JAK2: variants seen among roughly 807,000 people sequenced by gnomAD.
JAK2 encodes the protein tyrosine-protein kinase JAK2.
Under a neutral mutation model 139.3 loss-of-function variants are expected in JAK2, and 86 were observed. The ratio of observed to expected loss-of-function variants is 0.62; its 90% confidence interval spans 0.52 to 0.74. The LOEUF (loss-of-function observed/expected upper bound fraction) is 0.74, where lower values mean the gene tolerates loss of function less well. JAK2 is among the 30% of genes least tolerant of loss of function. The pLI, the probability that JAK2 is intolerant of heterozygous loss-of-function variation, is 0.00. For synonymous variants in JAK2, 490 were observed against 437.7 expected (o/e 1.12, Z -1.49); for missense variants, 1,421 against 1,360.3 (o/e 1.04, Z -0.70).
intron 22 of JAK2, among the ~76,000 whole-genome samples, chr9:5,104,547 C>G (rs1181687895): frequency 6.6e-6 from 1 of 152,188 alleles, no homozygotes; most frequent in Non-Finnish European, 1.5e-5. Flanking sequence ...GGAATCCTCC[C>G]TAACTCATTT....
intron 6 of JAK2, 58 bp downstream of exon 6, chr9:5,050,889 G>C (rs938904337): frequency 2.1e-6 from 3 of 1,427,154 alleles, no homozygotes; most frequent in South Asian, 2.4e-5. Flanking sequence ...TATATAATTC[G>C]TATATATTTT....
Position 5,064,949 on chromosome 9 carries a change from T to G in JAK2, c.1123T>G (p.Leu375Val). The change falls in exon 9 of 25, where the codon TTA becomes GTA. Residue 375 changes from leucine (L) to valine (V), a missense_variant. Leu to Val is a conservative substitution (Grantham distance 32). Coordinates refer to ENST00000381652, the MANE Select transcript of JAK2 (RefSeq NM_004972.4). ...FVSLIDGYYR[L>V]TADAHHYLCK... Reference sequence around the variant, plus strand: ...GTCATTAATTGATGGATATTATAGATTAACTGCAGATGCACATCATTACCT... The same window carrying G: ...GTCATTAATTGATGGATATTATAGAGTAACTGCAGATGCACATCATTACCT... The G allele has an allele frequency of 6.2e-7, 1 of 1,606,592 alleles. No individual in the cohort carries two copies. Among genetic ancestry groups the G allele is most frequent in the Non-Finnish European group, 8.5e-7 (1 of 1,175,280 alleles).
At chr9:5,024,678 T>G (rs1822663863) in intron 3 of JAK2, among the ~76,000 whole-genome samples, 1 of 152,220 alleles carries the variant, frequency 6.6e-6, no homozygotes, top group African/African-American at 2.4e-5. Flanking sequence ...GCCTCAACTT[T>G]AGACCTCTGC....
intron 22 of JAK2, among the ~76,000 whole-genome samples, chr9:5,115,343 A>G (rs1204851705): frequency 6.6e-6 from 1 of 152,220 alleles, no homozygotes; most frequent in African/African-American, 2.4e-5. Context: ...GAGAAATGCA[A>G]ATCAAAACCA....
intron 5 of JAK2, among the ~76,000 whole-genome samples, chr9:5,048,525 A>T (rs1817190438): frequency 1.3e-5 from 2 of 152,074 alleles, no homozygotes; most frequent in African/African-American, 4.8e-5. Flanking sequence ...AAACAGTATA[A>T]CTTACTTGCC....
At chr9:5,126,189 C>G in intron 23 of JAK2, 144 bp from the exon 24 acceptor site, 2 of 561,666 alleles carry the variant, frequency 3.6e-6, no homozygotes, top group Non-Finnish European at 6.3e-6. Flanking sequence ...GTTTTTGATC[C>G]TAAAAGTAGT....
chr9:5,112,403 G>A lies in JAK2; in HGVS notation c.3060-10601G>A, dbSNP rs865812817. 2.0e-5 allele frequency: 9 copies of A among 460,038 alleles called. No homozygotes were observed. The East Asian group carries it at 4.0e-4, about 20-fold the overall frequency. The allele number at this position is 460,038 out of a possible 1,614,324, so 28.5% of individuals were successfully genotyped here. A position where few individuals can be genotyped will look rare whatever the true frequency, so the allele number is the denominator to read the frequency against. ...CTGGGGAAATCAAGCGGGAGGAGGA[G>A]GATGAGGAGAACACGTCGGCGGCTG... On this transcript the variant is annotated intron_variant, in intron 22 of 24. Transcript: ENST00000381652.
rs4495487 is a variant in JAK2, at chr9:5,072,798, T to C, written c.1776+172T>C. ...GCTATAGAATTACAGGGTTTGAAAA[T>C]TACCGGATTAAAAAAATTAATTCCA... On this transcript the variant is annotated intron_variant, in intron 13 of 24. Coordinates refer to ENST00000381652, the MANE Select transcript of JAK2 (RefSeq NM_004972.4). Among the ~76,000 whole-genome samples the C allele has an allele frequency of 0.23, 35,593 of 152,000 alleles. 4,583 individuals are homozygous for C. The highest frequency in any genetic ancestry group is 0.3 in the South Asian group (1,461 of 4,818).
At chr9:5,070,195 T>C (rs981668324) in intron 12 of JAK2, 143 bp downstream of exon 12, 19 of 489,016 alleles carry the variant, frequency 3.9e-5, no homozygotes, top group Non-Finnish European at 6.5e-5. Flanking sequence ...ATGAAAAATA[T>C]GCCAACCTTG....
At position 4,985,529 on chromosome 9, in the gene JAK2, A is replaced by G. The variant is rs967351349; in HGVS notation, c.-210A>G. 3.9e-5 allele frequency: 6 copies of G among 152,422 alleles called. No individual in the cohort carries two copies. Among genetic ancestry groups the G allele is most frequent in the Admixed American group, 2.6e-4 (4 of 15,294 alleles). The allele number at this position is 152,422 out of a possible 1,614,324, so 9.4% of individuals were successfully genotyped here. A position where few individuals can be genotyped will look rare whatever the true frequency, so the allele number is the denominator to read the frequency against. On this transcript the variant is annotated 5_prime_UTR_variant, in exon 1 of 25. Transcript: ENST00000381652. The stretch of plus-strand genomic sequence containing the variant: ...CGAGGGCCCAGCCTGGAGGTCGTTC[A>G]GAGCCGTGCCCGTCCCGGGGCTTCG...
chr9:5,042,294 C>T (rs939643396), intron 4 of JAK2, among the ~76,000 whole-genome samples: 2 of 151,618 alleles, frequency 1.3e-5, no homozygotes, highest in African/African-American at 2.4e-5. Flanking sequence ...CCCGCCACCG[C>T]GCCCGGCTAA....
intron 22 of JAK2, 95 bp from the exon 23 acceptor site, chr9:5,122,909 T>G: frequency 5.3e-6 from 4 of 749,468 alleles, no homozygotes; most frequent in Non-Finnish European, 6.3e-6. Flanking sequence ...TTTCTCTACA[T>G]GTTTTTTTTT....
At chr9:5,116,388 A>C (rs980024087) in intron 22 of JAK2, among the ~76,000 whole-genome samples, 2 of 152,202 alleles carry the variant, frequency 1.3e-5, no homozygotes, top group Non-Finnish European at 2.9e-5. Context: ...CTTTTTGAGG[A>C]AATGTCGTCA....
intron 19 of JAK2, chr9:5,085,843 C>T (rs1390929520): frequency 1.8e-5 from 14 of 764,884 alleles, no homozygotes; most frequent in Non-Finnish European, 3.4e-5. Context: ...CCTTTTACAT[C>T]AAAGTAGTAC....
chr9:5,100,966 A>C (rs1821433464), intron 22 of JAK2: 1 of 152,304 alleles, frequency 6.6e-6, no homozygotes, highest in Non-Finnish European at 1.5e-5. Context: ...AGCATGATCG[A>C]CGCAGAAGAT....
chr9:4,986,945 A>T (rs889505689), intron 2 of JAK2, among the ~76,000 whole-genome samples: 2 of 152,198 alleles, frequency 1.3e-5, no homozygotes, highest in African/African-American at 4.8e-5. Context: ...AGGGATGATC[A>T]GCTTGTATTT....
intron 23 of JAK2, among the ~76,000 whole-genome samples, chr9:5,125,611 T>C (rs75631285): frequency 0.11 from 16,086 of 149,792 alleles, 2,673 homozygotes; most frequent in African/African-American, 0.36. Context: ...AAATTATATC[T>C]CAACAGCAAT....
At chr9:5,041,891 C>G (rs1434197507) in intron 4 of JAK2, 1 of 419,136 alleles carries the variant, frequency 2.4e-6, no homozygotes, top group African/African-American at 2.1e-5. Flanking sequence ...CCCATCAGGG[C>G]GCCTGCAGAG....
chr9:5,094,236 C>G (rs1460232766), intron 22 of JAK2: 2 of 152,218 alleles, frequency 1.3e-5, no homozygotes, highest in Admixed American at 1.3e-4. Flanking sequence ...CCCAATAAAA[C>G]TTTTCACCAG....
Sources: allele counts gnomAD v4.1 joint callset (sites outside exome capture counted in the v4.1 genomes callset), GRCh38; gene constraint gnomAD v4.1.1; transcripts MANE v1.5; gene names NCBI Gene and HGNC (gene_info 2026-07-23, HGNC 2026-07-21).